COQ9: variants seen among roughly 807,000 people sequenced by gnomAD.
The protein encoded by COQ9 is ubiquinone biosynthesis protein COQ9, mitochondrial.
In COQ9, 35 loss-of-function variants were observed where a neutral mutation model predicts 42.4. The observed-to-expected ratio is 0.83, with a 90% confidence interval of 0.63 to 1.10. The LOEUF (loss-of-function observed/expected upper bound fraction) is 1.10, where lower values mean the gene tolerates loss of function less well. Among genes scored for constraint, COQ9 ranks in the 50% least tolerant of loss-of-function variants. The probability of loss-of-function intolerance (pLI) is 0.00; values close to 1 mark genes in which losing one functional copy is unlikely to be tolerated. For missense variants in COQ9, 406 were observed against 414.6 expected, an observed-to-expected ratio of 0.98 and a Z score of 0.18; for synonymous variants, 155 against 155.1, an observed-to-expected ratio of 1.00 and a Z score of 0.00.
intron 2 of COQ9, 79 bp downstream of exon 2, chr16:57,451,287 C>T: frequency 1.4e-6 from 2 of 1,446,982 alleles, no homozygotes; most frequent in Non-Finnish European, 1.9e-6. Flanking sequence ...TCTCTCCTCT[C>T]CATCCCCTTT....
rs1490908257 is a variant in COQ9 at position 57,452,793 on chromosome 16, T to A, written c.243-8T>A. ...TGAAGTATGCTGGGCTGTGTCCTCT[T>A]GTCTCAGGTATACAGACCAGGGCGG... is the stretch of plus-strand genomic sequence containing the variant. On this transcript the variant is annotated splice_region_variant and splice_polypyrimidine_tract_variant and intron_variant, in intron 2 of 8. Coordinates refer to ENST00000262507, the MANE Select transcript of COQ9 (RefSeq NM_020312.4). The A allele has an allele frequency of 8.7e-6, 14 of 1,612,798 alleles. No individual in the cohort carries two copies. The highest frequency in any genetic ancestry group is 1.1e-5 in the Non-Finnish European group (13 of 1,180,020).
At chr16:57,448,582 AT>A (rs1390338563) in intron 1 of COQ9, among the ~76,000 whole-genome samples, 1 of 151,476 alleles carries the variant, frequency 6.6e-6, no homozygotes, top group East Asian at 1.9e-4. Flanking sequence ...TGCCCAGCTA[AT>A]TTTTTATTTT....
chr16:57,451,250 C>G, intron 2 of COQ9, 42 bp downstream of exon 2: 10 of 1,587,628 alleles, frequency 6.3e-6, no homozygotes, highest in Non-Finnish European at 8.7e-6. Flanking sequence ...TCATATGCTT[C>G]ATTATGTCTG....
intron 2 of COQ9, 64 bp downstream of exon 2, chr16:57,451,272 C>A: frequency 6.7e-7 from 1 of 1,498,242 alleles, no homozygotes; most frequent in Non-Finnish European, 9.3e-7. Flanking sequence ...TCCTCCTTCA[C>A]TTCCTCTCTC....
At chr16:57,459,847 G>T (rs2030490319) in intron 7 of COQ9, 127 bp downstream of exon 7, 1 of 1,199,638 alleles carries the variant, frequency 8.3e-7, no homozygotes, top group Admixed American at 1.8e-5. Context: ...GGGCCTGGCT[G>T]GTTCTTCCTC....
chr16:57,451,090 G>T lies in COQ9; in HGVS notation c.124G>T (p.Val42Leu). 2.5e-6 allele frequency: 4 copies of T among 1,614,156 alleles called. No homozygotes were observed. Among genetic ancestry groups the T allele is most frequent in the Non-Finnish European group, 3.4e-6 (4 of 1,180,032 alleles). The change falls in exon 2 of 9, where the codon GTG becomes TTG. Residue 42 changes from valine to leucine, a missense_variant. Transcript: ENST00000262507. ...GCCGCGTGCCTTCCATGCTTCAGCTGTGGGGCTAAGGTCTTCAGATGAGCA... is the reference window on the plus strand; with the variant it reads ...GCCGCGTGCCTTCCATGCTTCAGCTTTGGGGCTAAGGTCTTCAGATGAGCA... ...LVPRAFHASAVGLRSSDEQKQ... is the reference protein window; with the variant it reads ...LVPRAFHASALGLRSSDEQKQ...
chr16:57,455,397 T>TTATATA (rs147294926), intron 3 of COQ9, among the ~76,000 whole-genome samples: 3,445 of 142,796 alleles, frequency 0.024, 61 homozygotes, highest in East Asian at 0.069. Flanking sequence ...CACGCTGATT[T>TTATATA]TATATATATA....
chr16:57,456,728 A>G (rs559344313), intron 4 of COQ9, 82 bp downstream of exon 4: 2 of 1,526,534 alleles, frequency 1.3e-6, no homozygotes, highest in African/African-American at 1.4e-5. Context: ...CAGGAGGCCA[A>G]TCCAAGCAGA....
intron 1 of COQ9, among the ~76,000 whole-genome samples, chr16:57,449,405 A>G (rs1295173270): frequency 3.9e-5 from 6 of 152,212 alleles, no homozygotes; most frequent in African/African-American, 1.4e-4. Flanking sequence ...AAGAGGGCTC[A>G]GAGGAGCCTG....
chr16:57,455,579 G>A (rs2030384031), intron 3 of COQ9, among the ~76,000 whole-genome samples: 1 of 151,972 alleles, frequency 6.6e-6, no homozygotes, highest in South Asian at 2.1e-4. Flanking sequence ...GGCAAAGCAG[G>A]AGAGTGTGGA....
intron 8 of COQ9, 87 bp from the exon 9 acceptor site, chr16:57,460,498 AAAAG>A: frequency 7.5e-7 from 1 of 1,326,866 alleles, no homozygotes; most frequent in African/African-American, 1.5e-5. Flanking sequence ...AAGAAAAAAA[AAAAG>A]AGAAAAAGAA....
chr16:57,450,972 T>C (rs2030272249), intron 1 of COQ9, 68 bp from the exon 2 acceptor site: 2 of 1,557,932 alleles, frequency 1.3e-6, no homozygotes, highest in East Asian at 4.5e-5. Flanking sequence ...TCCTTATCTG[T>C]GTTACCACTC....
At chr16:57,452,157 C>T (rs1364282038) in intron 2 of COQ9, among the ~76,000 whole-genome samples, 1 of 152,172 alleles carries the variant, frequency 6.6e-6, no homozygotes, top group Non-Finnish European at 1.5e-5. Flanking sequence ...TAGCATTACT[C>T]CTGCCCTCAG....
At chr16:57,451,247 C>A (rs1417423892) in intron 2 of COQ9, 39 bp downstream of exon 2, 1 of 1,592,280 alleles carries the variant, frequency 6.3e-7, no homozygotes, top group Admixed American at 1.7e-5. Context: ...ACTTCATATG[C>A]TTCATTATGT....
chr16:57,456,496 T>G lies in COQ9; in HGVS notation c.379-8T>G, dbSNP rs1401285145. 16 of 1,613,920 alleles carry G rather than the reference T, an allele frequency of 9.9e-6. No individual in the cohort carries two copies. The highest frequency in any genetic ancestry group is 1.4e-5 in the Non-Finnish European group (16 of 1,179,988). ...CCGCTTTTCTGTTTTCTGTCTCCCC[T>G]TTTGTAGTCTCTGGGTCTCTCCAGT... On this transcript the variant is annotated splice_region_variant and splice_polypyrimidine_tract_variant and intron_variant, in intron 3 of 8. Coordinates refer to ENST00000262507, the MANE Select transcript of COQ9 (RefSeq NM_020312.4).
intron 1 of COQ9, among the ~76,000 whole-genome samples, chr16:57,449,134 G>A (rs1279350160): frequency 6.6e-6 from 1 of 152,194 alleles, no homozygotes; most frequent in Non-Finnish European, 1.5e-5. Context: ...GTAGAGTCAG[G>A]ATAGTGAATA....
At chr16:57,449,772 A>G (rs547736804) in intron 1 of COQ9, among the ~76,000 whole-genome samples, 75 of 152,310 alleles carry the variant, frequency 4.9e-4, no homozygotes, top group African/African-American at 1.7e-3. Context: ...AATTCAGAAC[A>G]GTATGAATGG....
At chr16:57,459,749 C>T (rs1416641761) in intron 7 of COQ9, 29 bp downstream of exon 7, 1 of 1,612,958 alleles carries the variant, frequency 6.2e-7, no homozygotes, top group Admixed American at 1.7e-5. Flanking sequence ...TTGGGGAACC[C>T]TCTTTAGAAG....
intron 2 of COQ9, 81 bp from the exon 3 acceptor site, chr16:57,452,720 A>C: frequency 6.7e-7 from 1 of 1,484,188 alleles, no homozygotes; most frequent in South Asian, 1.1e-5. Flanking sequence ...CTTAGAGGAG[A>C]TCCAGAGCCC....
Sources: allele counts gnomAD v4.1 joint callset (sites outside exome capture counted in the v4.1 genomes callset), GRCh38; gene constraint gnomAD v4.1.1; transcripts MANE v1.5; gene names NCBI Gene and HGNC (gene_info 2026-07-23, HGNC 2026-07-21).